IWS1: variants seen among roughly 807,000 people sequenced by gnomAD.
The protein encoded by IWS1 is interacts with SUPT6H, CTD assembly factor 1.
Under a neutral mutation model 86.7 loss-of-function variants are expected in IWS1, and 27 were observed. That is an observed-to-expected ratio of 0.31 (90% CI 0.23 to 0.43). The LOEUF is 0.43. IWS1 is among the 20% of genes least tolerant of loss of function. The pLI is 1.00. For missense variants in IWS1, 827 were observed against 1,000.8 expected, an observed-to-expected ratio of 0.83 and a Z score of 2.34; for synonymous variants, 313 against 335.1, an observed-to-expected ratio of 0.93 and a Z score of 0.72.
intron 4 of IWS1, 139 bp from the exon 5 acceptor site, chr2:127,503,011 T>C (rs1427417527): frequency 1.9e-5 from 11 of 594,114 alleles, no homozygotes; most frequent in Admixed American, 2.9e-5. Flanking sequence ...AACAAATATA[T>C]ACACTCATGT....
intron 2 of IWS1, among the ~76,000 whole-genome samples, chr2:127,508,896 T>C (rs529706349): frequency 6.6e-6 from 1 of 152,248 alleles, no homozygotes; most frequent in South Asian, 2.1e-4. Context: ...TGGGCAGTCA[T>C]CCAAAACTCA....
chr2:127,486,298 TAAG>T, intron 13 of IWS1: 1 of 313,802 alleles, frequency 3.2e-6, no homozygotes, highest in South Asian at 4.5e-5. Context: ...AAGGGATTAA[TAAG>T]AAGAAACTTC....
At chr2:127,506,157 C>A (rs1691138601) in intron 2 of IWS1, among the ~76,000 whole-genome samples, 1 of 152,166 alleles carries the variant, frequency 6.6e-6, no homozygotes, top group Non-Finnish European at 1.5e-5. Context: ...CACCTGAGGT[C>A]AGGAGTTCGA....
At chr2:127,491,925 T>C in intron 10 of IWS1, 46 bp downstream of exon 10, 2 of 1,109,992 alleles carry the variant, frequency 1.8e-6, no homozygotes, top group Non-Finnish European at 2.8e-6. Context: ...ATCTCTCTCT[T>C]ATCTATACAC....
chr2:127,481,443 G>C (rs928638238), intron 13 of IWS1, among the ~76,000 whole-genome samples: 1 of 148,434 alleles, frequency 6.7e-6, no homozygotes, highest in South Asian at 2.1e-4. Context: ...ATGGGAGAAA[G>C]GGGGGGGGAA....
intron 2 of IWS1, among the ~76,000 whole-genome samples, chr2:127,512,855 T>C (rs1241021922): frequency 6.6e-6 from 1 of 152,244 alleles, no homozygotes. Flanking sequence ...TTCAAAAATG[T>C]TTATTGAAAG....
Position 127,498,192 on chromosome 2 carries a change from C to G in IWS1, c.1513G>C (p.Val505Leu), listed in dbSNP as rs1381715366. Residue 505 changes from valine (V) to leucine (L), a missense_variant, in exon 6 of 14, where the codon GTA (valine) becomes CTA (leucine). This residue lies in a region of IWS1 where 279 missense variants were observed against 440.6 expected (regional missense o/e 0.63). Coordinates refer to ENST00000295321, the MANE Select transcript of IWS1 (RefSeq NM_017969.3). ...DLEEEKGETQ[V>L]KEAEDSDSDD... Reference sequence around the variant, plus strand: ...GAATCTGAATCTTCTGCTTCTTTTACCTGTGTTTCACCTTTTTCTTCTTCC... The same window carrying G: ...GAATCTGAATCTTCTGCTTCTTTTAGCTGTGTTTCACCTTTTTCTTCTTCC... 1 of 1,587,570 alleles carries G rather than the reference C, an allele frequency of 6.3e-7. No individual in the cohort carries two copies. The highest frequency in any genetic ancestry group is 1.3e-5 in the African/African-American group (1 of 74,450).
Position 127,505,792 on chromosome 2 carries a change from A to T in IWS1, c.151-40T>A. The T allele has an allele frequency of 7.8e-7, 1 of 1,275,528 alleles. No individual in the cohort carries two copies. Among genetic ancestry groups the T allele is most frequent in the Non-Finnish European group, 1.1e-6 (1 of 930,028 alleles). The allele number at this position is 1,275,528 out of a possible 1,614,324, so 79.0% of individuals were successfully genotyped here. A position where few individuals can be genotyped will look rare whatever the true frequency, so the allele number is the denominator to read the frequency against. ...GAGAAAAAATTAGGAAAGTGCAAAA[A>T]AAAAAAAACCATTAATAATAAAACA... is the stretch of plus-strand genomic sequence containing the variant. On this transcript the variant is annotated intron_variant, in intron 2 of 13. Transcript: ENST00000295321. This position sits in a 1 kb window ranked among gnomAD's most constrained non-coding sequence, Gnocchi z 5.0.
chr2:127,519,489 G>A (rs1325143061), intron 2 of IWS1, among the ~76,000 whole-genome samples: 1 of 151,566 alleles, frequency 6.6e-6, no homozygotes, highest in Non-Finnish European at 1.5e-5. Flanking sequence ...GTGTGTGTGT[G>A]TGCGTGTGTG....
intron 1 of IWS1, 66 bp from the exon 2 acceptor site, chr2:127,523,857 C>G (rs1040284307): frequency 8.6e-6 from 9 of 1,046,570 alleles, no homozygotes; most frequent in Non-Finnish European, 1.3e-5. Context: ...GTGAAATGAA[C>G]ACACTGAATC....
intron 3 of IWS1, 58 bp downstream of exon 3, chr2:127,504,626 G>A: frequency 8.2e-7 from 1 of 1,216,882 alleles, no homozygotes; most frequent in Non-Finnish European, 1.2e-6. Context: ...ATGTTCCACA[G>A]TTACAAGCTT....
intron 1 of IWS1, among the ~76,000 whole-genome samples, chr2:127,524,180 A>G (rs1369180376): frequency 6.6e-6 from 1 of 152,246 alleles, no homozygotes; most frequent in East Asian, 1.9e-4. Flanking sequence ...AAATGCCACA[A>G]GAATAGGGAT....
At chr2:127,515,386 G>A (rs996076054) in intron 2 of IWS1, among the ~76,000 whole-genome samples, 7 of 152,176 alleles carry the variant, frequency 4.6e-5, no homozygotes, top group African/African-American at 1.4e-4. Flanking sequence ...GCAACACAAG[G>A]CTGCTCTCTC....
chr2:127,487,362 T>A (rs1481648848), intron 12 of IWS1, among the ~76,000 whole-genome samples: 1 of 152,214 alleles, frequency 6.6e-6, no homozygotes, highest in Admixed American at 6.5e-5. Context: ...TCTATGCAAA[T>A]CCGTGGGTAA....
Position 127,504,835 on chromosome 2 carries a change from G to A in IWS1, c.1068C>T (p.Asp356=), listed in dbSNP as rs139845203. The A allele has an allele frequency of 1.1e-5, 18 of 1,613,914 alleles. No homozygotes were observed. The highest frequency in any genetic ancestry group is 1.4e-5 in the Non-Finnish European group (17 of 1,179,972). The change falls in exon 3 of 14, where the codon GAC becomes GAT. Residue 356 remains aspartate (D), a synonymous_variant. Transcript: ENST00000295321. ...TATCAGAACTGTGAAACTTTTTTCT[G>A]TCCATATGGCTGTCTGAATGGAAGG... ...NDSFHSDSHM[D]RKKFHSSDSE...
chr2:127,507,491 T>C (rs1209869949), intron 2 of IWS1, among the ~76,000 whole-genome samples: 1 of 152,202 alleles, frequency 6.6e-6, no homozygotes, highest in Non-Finnish European at 1.5e-5. Context: ...AGATTCCTTG[T>C]CAGTCACAAG....
At position 127,504,687 on chromosome 2, in the gene IWS1, C is replaced by T; in HGVS notation, c.1216G>A (p.Ala406Thr). ...VLSDSEDEEKASAKKSRVVSD... is the reference protein window; with the variant it reads ...VLSDSEDEEKTSAKKSRVVSD... ...ACAGCCCAAGGTAACTCCTTACATG[C>T]TTTCTCTTCATCTTCACTATCAGAA... Residue 406 changes from alanine (A) to threonine (T), a missense_variant, in exon 3 of 14, where the codon GCA becomes ACA. Physicochemically the swap from Ala to Thr is moderately conservative, Grantham distance 58 (BLOSUM62 0). Coordinates refer to ENST00000295321, the MANE Select transcript of IWS1 (RefSeq NM_017969.3). 1.3e-6 allele frequency: 2 copies of T among 1,593,970 alleles called. No homozygotes were observed. Among genetic ancestry groups the T allele is most frequent in the Non-Finnish European group, 1.7e-6 (2 of 1,170,878 alleles).
At chr2:127,490,037 C>A in intron 10 of IWS1, 94 bp from the exon 11 acceptor site, 1 of 732,172 alleles carries the variant, frequency 1.4e-6, no homozygotes, top group Non-Finnish European at 2.5e-6. Context: ...ATATTCTAGA[C>A]ATTTAGAATA....
chr2:127,507,707 T>C (rs938346348), intron 2 of IWS1, among the ~76,000 whole-genome samples: 6 of 152,180 alleles, frequency 3.9e-5, no homozygotes, highest in African/African-American at 1.4e-4. Flanking sequence ...TTTTGGTTTG[T>C]TTTCCTGAGG....
Sources: gnomAD v4.1 joint callset for allele counts (sites outside exome capture counted in the v4.1 genomes callset) on GRCh38, gnomAD v4.1.1 for gene constraint, gnomAD v4.1.1 regional missense constraint, Gnocchi (gnomAD v3.1) non-coding constraint, MANE v1.5 for transcripts, NCBI Gene and HGNC (gene_info 2026-07-23, HGNC 2026-07-21) for gene names.